Variants in KCNIP3 observed in about 807,000 individuals in gnomAD.
KCNIP3 encodes potassium voltage-gated channel interacting protein 3.
In KCNIP3, 28 loss-of-function variants were observed where a neutral mutation model predicts 35.0. That is an observed-to-expected ratio of 0.80 (90% CI 0.59 to 1.10). The LOEUF (loss-of-function observed/expected upper bound fraction) is 1.10. Ranked by LOEUF, KCNIP3 falls within the 50% of genes least tolerant of loss-of-function variation. The probability of loss-of-function intolerance (pLI) is 0.00; values close to 1 mark genes in which losing one functional copy is unlikely to be tolerated. For synonymous variants in KCNIP3, 134 were observed against 133.8 expected (o/e 1.00, Z -0.01); for missense variants, 295 against 338.4 (o/e 0.87, Z 1.01).
At chr2:95,326,214 C>T (rs7563891) in intron 2 of KCNIP3, among the ~76,000 whole-genome samples, 88,523 of 151,256 alleles carry the variant, frequency 0.59, 26,701 homozygotes, top group Non-Finnish European at 0.66. Context: ...CATATACACA[C>T]ACACTCATAC....
At chr2:95,342,192 G>T (rs771065489) in intron 2 of KCNIP3, among the ~76,000 whole-genome samples, 12 of 152,150 alleles carry the variant, frequency 7.9e-5, no homozygotes, top group Non-Finnish European at 1.2e-4. Context: ...GCCCGGCCAT[G>T]GGGGGCAAGG....
At chr2:95,355,030 T>C (rs1404760769) in intron 2 of KCNIP3, 1 of 152,274 alleles carries the variant, frequency 6.6e-6, no homozygotes, top group Non-Finnish European at 1.5e-5. Context: ...AATCTTGTCC[T>C]CATGAGCAGG....
intron 2 of KCNIP3, among the ~76,000 whole-genome samples, chr2:95,350,628 A>G (rs1679491167): frequency 6.6e-6 from 1 of 152,138 alleles, no homozygotes; most frequent in South Asian, 2.1e-4. Context: ...TGCAGAGAGC[A>G]CAGAGGCTGG....
At position 95,346,991 on chromosome 2, in the gene KCNIP3, C is replaced by T. The variant is rs778601416; in HGVS notation, c.182-27305C>T. The T allele has an allele frequency of 3.9e-6, 6 of 1,552,016 alleles. No individual in the cohort carries two copies. The African/African-American group carries it at 8.2e-5, about 21-fold the overall frequency. Reference sequence around the variant, plus strand: ...CGCGTGGGCGAGGGGTGCGCCCGGGCCCCAGGGCCCCAGGCAGCCCGGCTT... The same window carrying T: ...CGCGTGGGCGAGGGGTGCGCCCGGGTCCCAGGGCCCCAGGCAGCCCGGCTT... On this transcript the variant is annotated intron_variant, in intron 2 of 8. Coordinates refer to ENST00000295225, the MANE Select transcript of KCNIP3 (RefSeq NM_013434.5).
chr2:95,347,151 G>T (rs766353762), intron 2 of KCNIP3: 2 of 1,567,904 alleles, frequency 1.3e-6, no homozygotes, highest in South Asian at 2.3e-5. Flanking sequence ...CCCCTTCGCC[G>T]CCTCCGCCGC....
At position 95,377,265 on chromosome 2, in the gene KCNIP3, C is replaced by G. The variant is rs1680227688; in HGVS notation, c.447+2057C>G. ...TTGGGGCCTCTTCAGTGCCCAGGATCAAGTCAGGCCCAGTTTGGAAGTGGC... is the reference window on the plus strand; with the variant it reads ...TTGGGGCCTCTTCAGTGCCCAGGATGAAGTCAGGCCCAGTTTGGAAGTGGC... On this transcript the variant is annotated intron_variant, in intron 5 of 8. Transcript: ENST00000295225. The surrounding 1 kb of genome is among the most constrained non-coding windows in gnomAD (Gnocchi z 4.7). Among the ~76,000 whole-genome samples, 2 of 152,248 alleles carry G rather than the reference C, an allele frequency of 1.3e-5. No individual in the cohort carries two copies. Among genetic ancestry groups the G allele is most frequent in the Admixed American group, 1.3e-4 (2 of 15,280 alleles).
chr2:95,374,323 C>T lies in KCNIP3; in HGVS notation c.209C>T (p.Ser70Phe), dbSNP rs1573519675. ...SDSSDSELEL[S>F]TVRHQPEGLD... ...AGCAGCGACAGTGAGCTGGAGCTGT[C>T]CACGGTGCGCCACCAGCCAGAGGGG... is the stretch of plus-strand genomic sequence containing the variant. Residue 70 changes from serine (S) to phenylalanine (F), a missense_variant, in exon 3 of 9, where the codon TCC becomes TTC. Transcript: ENST00000295225. The T allele has an allele frequency of 6.2e-7, 1 of 1,614,096 alleles. No individual in the cohort carries two copies. Among genetic ancestry groups the T allele is most frequent in the Non-Finnish European group, 8.5e-7 (1 of 1,179,960 alleles).
At chr2:95,320,179 C>A (rs992254582) in intron 2 of KCNIP3, among the ~76,000 whole-genome samples, 2 of 152,170 alleles carry the variant, frequency 1.3e-5, no homozygotes, top group African/African-American at 4.8e-5. Context: ...AACACCACTG[C>A]CTGCTGCCAA....
chr2:95,320,441 G>A (rs1290863002), intron 2 of KCNIP3, among the ~76,000 whole-genome samples: 6 of 152,180 alleles, frequency 3.9e-5, no homozygotes, highest in African/African-American at 9.6e-5. Context: ...GGGTGTGGGC[G>A]GGTCCCGGGT....
At chr2:95,321,157 G>A (rs770789540) in intron 2 of KCNIP3, among the ~76,000 whole-genome samples, 12 of 146,410 alleles carry the variant, frequency 8.2e-5, no homozygotes, top group Non-Finnish European at 1.1e-4. Context: ...TTTCCTCCCC[G>A]GCACCCCCAG....
intron 6 of KCNIP3, among the ~76,000 whole-genome samples, chr2:95,381,949 C>T (rs1318418678): frequency 1.3e-5 from 2 of 152,186 alleles, no homozygotes; most frequent in Admixed American, 6.5e-5. Flanking sequence ...CAAGTGTTCT[C>T]GGTCATACTG....
intron 2 of KCNIP3, chr2:95,310,723 T>A: frequency 1.6e-6 from 1 of 607,516 alleles, no homozygotes; most frequent in South Asian, 1.9e-5. Flanking sequence ...GAGCTCCCAG[T>A]GGGACCCACA....
intron 2 of KCNIP3, among the ~76,000 whole-genome samples, chr2:95,344,922 G>A: frequency 6.6e-6 from 1 of 152,222 alleles, no homozygotes. Flanking sequence ...CCTGGGCACA[G>A]GCTGGATCTT....
At chr2:95,370,928 CTTT>C (rs1052493702) in intron 2 of KCNIP3, among the ~76,000 whole-genome samples, 1 of 145,536 alleles carries the variant, frequency 6.9e-6, no homozygotes, top group African/African-American at 2.5e-5. Flanking sequence ...ACCTGGCTAA[CTTT>C]TTTTTTTTTG....
rs573927021 is a variant in KCNIP3 at position 95,298,416 on chromosome 2, A to T, written c.15+963A>T. 9.2e-5 allele frequency among the ~76,000 whole-genome samples: 14 copies of T among 152,170 alleles called. No individual in the cohort carries two copies. The South Asian group carries it at 2.7e-3, about 29-fold the overall frequency. ...CCTTAAGGTGCAACATAACTGCTGG[A>T]GCTCCAGCCAGCACACATGGGCTCA... On this transcript the variant is annotated intron_variant, in intron 1 of 8. Coordinates refer to ENST00000295225, the MANE Select transcript of KCNIP3 (RefSeq NM_013434.5).
At position 95,378,376 on chromosome 2, in the gene KCNIP3, T is replaced by C. The variant is rs1247098746; in HGVS notation, c.447+3168T>C. Among the ~76,000 whole-genome samples the C allele has an allele frequency of 1.3e-5, 2 of 151,978 alleles. No individual in the cohort carries two copies. Among genetic ancestry groups the C allele is most frequent in the African/African-American group, 4.8e-5 (2 of 41,392 alleles). On this transcript the variant is annotated intron_variant, in intron 5 of 8. Transcript: ENST00000295225. This position sits in a 1 kb window ranked among gnomAD's most constrained non-coding sequence, Gnocchi z 4.0. ...ATCCTGGCCTCAAGCAATTCTCCTGTCTCAGCCTCCCAAAGTGCTGGAATT... is the reference window on the plus strand; with the variant it reads ...ATCCTGGCCTCAAGCAATTCTCCTGCCTCAGCCTCCCAAAGTGCTGGAATT...
chr2:95,354,852 C>G (rs552576200), intron 2 of KCNIP3, among the ~76,000 whole-genome samples: 44 of 152,278 alleles, frequency 2.9e-4, no homozygotes, highest in African/African-American at 9.6e-4. Context: ...TGTGGGTGTG[C>G]TGGGTGCTCT....
At chr2:95,335,465 G>C (rs976268447) in intron 2 of KCNIP3, among the ~76,000 whole-genome samples, 1 of 152,082 alleles carries the variant, frequency 6.6e-6, no homozygotes, top group Admixed American at 6.5e-5. Context: ...TTTTTGTATT[G>C]TTATTTCTCT....
Position 95,378,885 on chromosome 2 carries a change from T to TACACACACACACATATATATAC in KCNIP3, c.448-2690_448-2689insCACACACACACACATATATATA, listed in dbSNP as rs1680269786. 6.6e-6 allele frequency among the ~76,000 whole-genome samples: 1 copy of TACACACACACACATATATATAC among 150,502 alleles called. No individual in the cohort carries two copies. Among genetic ancestry groups the TACACACACACACATATATATAC allele is most frequent in the Admixed American group, 6.6e-5 (1 of 15,048 alleles). Reference sequence around the variant, plus strand: ...ATATATACACACACACACATATATATACACACACACACATATATATATATA... The same window carrying TACACACACACACATATATATAC: ...ATATATACACACACACACATATATATACACACACACACATATATATACACACACACACACATATATATATATA... On this transcript the variant is annotated intron_variant, in intron 5 of 8. Transcript: ENST00000295225. This position sits in a 1 kb window ranked among gnomAD's most constrained non-coding sequence, Gnocchi z 4.0.
Sources: gnomAD v4.1 joint callset for allele counts (sites outside exome capture counted in the v4.1 genomes callset) on GRCh38, gnomAD v4.1.1 for gene constraint, Gnocchi (gnomAD v3.1) non-coding constraint, MANE v1.5 for transcripts, NCBI Gene and HGNC (gene_info 2026-07-23, HGNC 2026-07-21) for gene names.